DTHD1: variants seen among roughly 807,000 people sequenced by gnomAD.
The protein encoded by DTHD1 is death domain containing 1.
A neutral mutation model predicts 74.8 loss-of-function variants in DTHD1; 59 were observed. That is an observed-to-expected ratio of 0.79 (90% CI 0.64 to 0.98). The LOEUF (loss-of-function observed/expected upper bound fraction) is 0.98. Among genes scored for constraint, DTHD1 ranks in the 50% least tolerant of loss-of-function variants. DTHD1 has a pLI of 0.00. For missense variants in DTHD1, 1,051 were observed against 1,065.4 expected, an observed-to-expected ratio of 0.99 and a Z score of 0.19; for synonymous variants, 365 against 371.1, an observed-to-expected ratio of 0.98 and a Z score of 0.19.
In DTHD1 at chr4:36,346,058, C is replaced by A. The variant is rs1262535947; in HGVS notation, c.*2234C>A. Among the ~76,000 whole-genome samples, 2 of 151,954 alleles carry A rather than the reference C, an allele frequency of 1.3e-5. No individual in the cohort carries two copies. The highest frequency in any genetic ancestry group is 2.9e-5 in the Non-Finnish European group (2 of 67,958). ...CACACCCCTCCTGCACACCCAGCTCCCAACTCTCTCACAGAAACACACCTA... is the reference window on the plus strand; with the variant it reads ...CACACCCCTCCTGCACACCCAGCTCACAACTCTCTCACAGAAACACACCTA... On this transcript the variant is annotated 3_prime_UTR_variant, in exon 10 of 10. Coordinates refer to ENST00000639862, the MANE Select transcript of DTHD1 (RefSeq NM_001170700.3).
chr4:36,288,870 C>T (rs1197801448), intron 2 of DTHD1, among the ~76,000 whole-genome samples: 2 of 152,070 alleles, frequency 1.3e-5, no homozygotes, highest in East Asian at 1.9e-4. Context: ...TAAAGTTATA[C>T]AACGCTGGGT....
chr4:36,293,363 A>G (rs1756195524), intron 3 of DTHD1, among the ~76,000 whole-genome samples, 163 bp from the exon 4 acceptor site: 1 of 152,166 alleles, frequency 6.6e-6, no homozygotes, highest in African/African-American at 2.4e-5. Flanking sequence ...TTTCTACTTA[A>G]TCTCATATAA....
Position 36,284,235 on chromosome 4 carries a change from A to G in DTHD1, c.531A>G (p.Leu177=), listed in dbSNP as rs1755566931. The G allele has an allele frequency of 6.5e-7, 1 of 1,537,186 alleles. No homozygotes were observed. The highest frequency in any genetic ancestry group is 2.4e-5 in the East Asian group (1 of 40,914). Residue 177 remains leucine (L), a synonymous_variant, in exon 2 of 10, where the codon TTA becomes TTG. Transcript: ENST00000639862. ...EESHYTNQVQ[L]EKNKTHMSSA... The stretch of plus-strand genomic sequence containing the variant: ...GTCATTACACAAACCAGGTCCAGTT[A>G]GAAAAAAATAAAACACATATGAGTT...
chr4:36,317,161 T>C (rs1757784165), intron 8 of DTHD1, among the ~76,000 whole-genome samples: 1 of 152,212 alleles, frequency 6.6e-6, no homozygotes, highest in Admixed American at 6.5e-5. Flanking sequence ...CACATTTATA[T>C]TTTTTGTCTA....
intron 2 of DTHD1, among the ~76,000 whole-genome samples, chr4:36,285,633 C>T (rs189570971): frequency 1.4e-4 from 16 of 112,002 alleles, no homozygotes; most frequent in Admixed American, 1.1e-3. Context: ...AAACATAACA[C>T]GCTTAGAAGT....
intron 8 of DTHD1, among the ~76,000 whole-genome samples, chr4:36,336,971 G>A (rs1759042792): frequency 6.6e-6 from 1 of 152,134 alleles, no homozygotes; most frequent in Admixed American, 6.5e-5. Context: ...AGGAAAGTGG[G>A]GGGAAATGAG....
chr4:36,310,990 C>T (rs1757369187), intron 7 of DTHD1, among the ~76,000 whole-genome samples: 1 of 152,152 alleles, frequency 6.6e-6, no homozygotes, highest in Non-Finnish European at 1.5e-5. Flanking sequence ...AGAAGGGTCC[C>T]ACCCAAACGA....
chr4:36,296,420 C>A (rs1283624945), intron 5 of DTHD1, among the ~76,000 whole-genome samples: 8 of 151,282 alleles, frequency 5.3e-5, no homozygotes, highest in Non-Finnish European at 1.5e-5. Flanking sequence ...TGATATTGAG[C>A]ATAAATAATA....
At chr4:36,300,614 A>G (rs1172605891) in intron 5 of DTHD1, among the ~76,000 whole-genome samples, 3 of 132,336 alleles carry the variant, frequency 2.3e-5, no homozygotes, top group African/African-American at 8.6e-5. Flanking sequence ...ATTTATCAAG[A>G]TCTCGCTGTT....
At chr4:36,283,597 T>C (rs556808342) in intron 1 of DTHD1, among the ~76,000 whole-genome samples, 16 of 152,344 alleles carry the variant, frequency 1.1e-4, no homozygotes, top group Admixed American at 9.1e-4. Context: ...TAAACTATTG[T>C]ACATCCAGTG....
At chr4:36,307,911 T>C (rs1317330653) in intron 6 of DTHD1, among the ~76,000 whole-genome samples, 1 of 152,220 alleles carries the variant, frequency 6.6e-6, no homozygotes, top group Non-Finnish European at 1.5e-5. Flanking sequence ...AGTTTTGCCA[T>C]GTTGCCCAGG....
Position 36,295,022 on chromosome 4 carries a change from A to C in DTHD1, c.1626A>C (p.Thr542=). ...RRASATINRI[T]PSYFNRTKIA... The stretch of plus-strand genomic sequence containing the variant: ...CAAGTGCCACAATAAATAGGATTAC[A>C]CCTTCGTATTTCAACCGGTGAGTAA... Residue 542 remains threonine (T), a synonymous_variant, in exon 5 of 10, where the codon ACA becomes ACC. Coordinates refer to ENST00000639862, the MANE Select transcript of DTHD1 (RefSeq NM_001170700.3). 1 of 1,541,104 alleles carries C rather than the reference A, an allele frequency of 6.5e-7. No homozygotes were observed.
chr4:36,320,268 G>A (rs573676934), intron 8 of DTHD1, among the ~76,000 whole-genome samples: 3 of 152,202 alleles, frequency 2.0e-5, no homozygotes, highest in African/African-American at 4.8e-5. Context: ...CTCCCCAAGG[G>A]TGACATTACC....
At chr4:36,285,281 A>G (rs1399881085) in intron 2 of DTHD1, among the ~76,000 whole-genome samples, 1 of 152,178 alleles carries the variant, frequency 6.6e-6, no homozygotes, top group Non-Finnish European at 1.5e-5. Context: ...AAACTAGAAG[A>G]CTGTAGGGTG....
At chr4:36,305,213 T>C (rs1756971866) in intron 5 of DTHD1, among the ~76,000 whole-genome samples, 1 of 152,238 alleles carries the variant, frequency 6.6e-6, no homozygotes, top group South Asian at 2.1e-4. Flanking sequence ...CCTTTAATTC[T>C]ATGATGTTGG....
chr4:36,308,434 T>C lies in DTHD1; in HGVS notation c.2036T>C (p.Phe679Ser). Residue 679 changes from phenylalanine (F) to serine (S), a missense_variant, in exon 7 of 10, where the codon TTC becomes TCC. Phe to Ser is a radical substitution (Grantham distance 155). Transcript: ENST00000639862. ...GGACCTCCAGAGCCATCTCGTCATTTCCAAGTTCGAGAAGGAGAACAACTT... is the reference window on the plus strand; with the variant it reads ...GGACCTCCAGAGCCATCTCGTCATTCCCAAGTTCGAGAAGGAGAACAACTT... ...FGGPPEPSRH[F>S]QVREGEQLLL... is the part of the protein sequence containing the mutation. The C allele has an allele frequency of 6.4e-7, 1 of 1,551,874 alleles. No homozygotes were observed. The highest frequency in any genetic ancestry group is 8.7e-7 in the Non-Finnish European group (1 of 1,147,024).
At chr4:36,300,541 G>A (rs1468264967) in intron 5 of DTHD1, among the ~76,000 whole-genome samples, 1 of 150,284 alleles carries the variant, frequency 6.7e-6, no homozygotes, top group African/African-American at 2.5e-5. Flanking sequence ...AATTTCAAAA[G>A]AATTTGTATC....
intron 5 of DTHD1, among the ~76,000 whole-genome samples, chr4:36,303,241 T>C (rs1210142112): frequency 6.6e-6 from 1 of 152,208 alleles, no homozygotes; most frequent in Non-Finnish European, 1.5e-5. Flanking sequence ...TTAGCATATA[T>C]TAAGGAAATA....
At chr4:36,313,270 C>A (rs1037054560) in intron 7 of DTHD1, among the ~76,000 whole-genome samples, 1 of 151,980 alleles carries the variant, frequency 6.6e-6, no homozygotes, top group African/African-American at 2.4e-5. Context: ...GCTACTATCT[C>A]AAGACACTTC....
Sources: gnomAD v4.1 joint callset for allele counts (sites outside exome capture counted in the v4.1 genomes callset) on GRCh38, gnomAD v4.1.1 for gene constraint, MANE v1.5 for transcripts, NCBI Gene and HGNC (gene_info 2026-07-23, HGNC 2026-07-21) for gene names.